The following UBE2QL1 variants were observed in gnomAD, a reference collection of about 807,000 sequenced individuals.
The protein encoded by UBE2QL1 is ubiquitin-conjugating enzyme E2Q-like protein 1.
UBE2QL1 carries 5 observed loss-of-function variants against 12.6 expected under a neutral mutation model. The ratio of observed to expected loss-of-function variants is 0.40; its 90% CI spans 0.21 to 0.83. UBE2QL1 has a LOEUF of 0.83. Ranked by LOEUF, UBE2QL1 falls within the 40% of genes least tolerant of loss-of-function variation. The pLI is 0.37. For missense variants in UBE2QL1, 99 were observed against 222.6 expected (o/e 0.44, Z 3.53); for synonymous variants, 96 against 94.5 (o/e 1.02, Z -0.10).
chr5:6,484,432 G>A (rs272452), intron 1 of UBE2QL1, among the ~76,000 whole-genome samples: 50,106 of 152,026 alleles, frequency 0.33, 8,209 homozygotes, highest in Admixed American at 0.37. Flanking sequence ...GCTCTTCTGC[G>A]GTGCCTCTGC....
chr5:6,488,011 A>C (rs979962184), intron 1 of UBE2QL1, among the ~76,000 whole-genome samples: 1 of 152,266 alleles, frequency 6.6e-6, no homozygotes, highest in Non-Finnish European at 1.5e-5. Flanking sequence ...GTCGTATTTA[A>C]ACAGCCAGTC....
chr5:6,486,351 C>T (rs1311021405), intron 1 of UBE2QL1, among the ~76,000 whole-genome samples: 1 of 151,920 alleles, frequency 6.6e-6, no homozygotes, highest in Non-Finnish European at 1.5e-5. Context: ...AACACACACA[C>T]ACACTTAAAT....
chr5:6,459,533 C>T (rs916896658), intron 1 of UBE2QL1, among the ~76,000 whole-genome samples: 4 of 152,166 alleles, frequency 2.6e-5, no homozygotes, highest in Non-Finnish European at 5.9e-5. Context: ...CACCTGCAGA[C>T]TCCTCCCCAG....
At chr5:6,454,981 C>A (rs952223595) in intron 1 of UBE2QL1, among the ~76,000 whole-genome samples, 1 of 152,148 alleles carries the variant, frequency 6.6e-6, no homozygotes, top group African/African-American at 2.4e-5. Context: ...AAAAATAGCC[C>A]CACACCCGCT....
rs959899680 is a variant in UBE2QL1 at position 6,496,139 on chromosome 5, G to A, written c.*4790G>A. Reference sequence around the variant, plus strand: ...GCCGTCCTCCCAGGTCAGTAAGGCCGCATGGAGGGATAAAGAGATCCCTGC... The same window carrying A: ...GCCGTCCTCCCAGGTCAGTAAGGCCACATGGAGGGATAAAGAGATCCCTGC... On this transcript the variant is annotated 3_prime_UTR_variant, in exon 2 of 2. Transcript: ENST00000399816. Among the ~76,000 whole-genome samples the A allele has an allele frequency of 4.6e-5, 7 of 152,170 alleles. No individual in the cohort carries two copies. The highest frequency in any genetic ancestry group is 1.3e-4 in the Admixed American group (2 of 15,272).
chr5:6,459,133 C>T (rs991232139), intron 1 of UBE2QL1, among the ~76,000 whole-genome samples: 1 of 152,092 alleles, frequency 6.6e-6, no homozygotes, highest in Non-Finnish European at 1.5e-5. Context: ...GTGACCCCAC[C>T]CCTCCAGAGC....
At position 6,491,554 on chromosome 5, in the gene UBE2QL1, T is replaced by C. The variant is rs1250548418; in HGVS notation, c.*205T>C. On this transcript the variant is annotated 3_prime_UTR_variant, in exon 2 of 2. Coordinates refer to ENST00000399816, the MANE Select transcript of UBE2QL1 (RefSeq NM_001145161.3). ...AAATGCCGTTCGGATTATGTTTCGA[T>C]TATAAATGAATGATCACCTCGAAGT... 1 of 559,870 alleles carries C rather than the reference T, an allele frequency of 1.8e-6. No homozygotes were observed. Among genetic ancestry groups the C allele is most frequent in the Non-Finnish European group, 2.8e-6 (1 of 361,214 alleles). The allele number at this position is 559,870 out of a possible 1,614,324, so 34.7% of individuals were successfully genotyped here.
At position 6,479,962 on chromosome 5, in the gene UBE2QL1, C is replaced by CA. The variant is rs1398596120; in HGVS notation, c.355-11255dup. On this transcript the variant is annotated intron_variant, in intron 1 of 1. Coordinates refer to ENST00000399816, the MANE Select transcript of UBE2QL1 (RefSeq NM_001145161.3). This position sits in a 1 kb window ranked among gnomAD's most constrained non-coding sequence, Gnocchi z 4.2. ...CTTACATAAACCATGTGGCAAATGA[C>CA]AGGATGGCTGGCCAGGAGCTCCCTG... is the stretch of plus-strand genomic sequence containing the variant. 8.5e-5 allele frequency among the ~76,000 whole-genome samples: 13 copies of CA among 152,198 alleles called. No individual in the cohort carries two copies. Among genetic ancestry groups the CA allele is most frequent in the Non-Finnish European group, 1.3e-4 (9 of 68,038 alleles).
At position 6,493,775 on chromosome 5, in the gene UBE2QL1, A is replaced by G. The variant is rs11134161; in HGVS notation, c.*2426A>G. On this transcript the variant is annotated 3_prime_UTR_variant, in exon 2 of 2. Transcript: ENST00000399816. ...TAGGAGTGCGGACTCCCTTTCTGGT[A>G]GACTCCCTTCGTAGGCAAGCACGGT... is the stretch of plus-strand genomic sequence containing the variant. 0.25 allele frequency: 38,650 copies of G among 152,184 alleles called. 10,043 individuals carry two copies. The highest frequency in any genetic ancestry group is 0.67 in the African/African-American group (27,835 of 41,470). The allele number at this position is 152,184 out of a possible 1,614,324, so 9.4% of individuals were successfully genotyped here.
intron 1 of UBE2QL1, among the ~76,000 whole-genome samples, chr5:6,458,125 A>C (rs1178043292): frequency 6.6e-6 from 1 of 152,260 alleles, no homozygotes; most frequent in African/African-American, 2.4e-5. Context: ...TCAAGAAAGA[A>C]GTGCTTTTTG....
chr5:6,470,221 T>A (rs553305096), intron 1 of UBE2QL1, among the ~76,000 whole-genome samples: 38 of 152,324 alleles, frequency 2.5e-4, no homozygotes, highest in Non-Finnish European at 4.3e-4. Flanking sequence ...AGGTGATCCA[T>A]GTGTGTCCAG....
chr5:6,453,556 A>G (rs1306512022), intron 1 of UBE2QL1, among the ~76,000 whole-genome samples: 1 of 152,214 alleles, frequency 6.6e-6, no homozygotes, highest in East Asian at 1.9e-4. Context: ...ATGTTTTTTA[A>G]TAAAGGAAAC....
intron 1 of UBE2QL1, among the ~76,000 whole-genome samples, chr5:6,474,230 A>G (rs964148349): frequency 3.3e-5 from 5 of 152,252 alleles, no homozygotes; most frequent in Non-Finnish European, 2.9e-5. Context: ...ACCACGGTCT[A>G]TGCCTGCATG....
intron 1 of UBE2QL1, among the ~76,000 whole-genome samples, chr5:6,465,574 G>A (rs1739767918): frequency 6.6e-6 from 1 of 152,208 alleles, no homozygotes; most frequent in Non-Finnish European, 1.5e-5. Flanking sequence ...CCCAGTGCCT[G>A]GGGGTGGAGG....
rs1212212956 is a variant in UBE2QL1, at chr5:6,492,276, G to A, written c.*927G>A. The A allele has an allele frequency of 6.6e-6, 1 of 152,208 alleles. No individual in the cohort carries two copies. The highest frequency in any genetic ancestry group is 2.4e-5 in the African/African-American group (1 of 41,446). 9.4% of individuals were successfully genotyped at this position (152,208 alleles called of 1,614,324 possible). On this transcript the variant is annotated 3_prime_UTR_variant, in exon 2 of 2. Coordinates refer to ENST00000399816, the MANE Select transcript of UBE2QL1 (RefSeq NM_001145161.3). The stretch of plus-strand genomic sequence containing the variant: ...GACTCATTTTAATATCTGTGCTAGT[G>A]ACAATGAATGTCAGAACTGCCAAAG...
At position 6,494,919 on chromosome 5, in the gene UBE2QL1, G is replaced by C. The variant is rs1734640668; in HGVS notation, c.*3570G>C. On this transcript the variant is annotated 3_prime_UTR_variant, in exon 2 of 2. Coordinates refer to ENST00000399816, the MANE Select transcript of UBE2QL1 (RefSeq NM_001145161.3). Reference sequence around the variant, plus strand: ...CCCTGGATAGGAACTCAAAAGATAGGAATAGCGCACAGGCACCAGCACCAA... The same window carrying C: ...CCCTGGATAGGAACTCAAAAGATAGCAATAGCGCACAGGCACCAGCACCAA... 1.3e-5 allele frequency: 2 copies of C among 152,194 alleles called. No homozygotes were observed. The highest frequency in any genetic ancestry group is 2.9e-5 in the Non-Finnish European group (2 of 68,036). 9.4% of individuals were successfully genotyped at this position (152,194 alleles called of 1,614,324 possible). A position where few individuals can be genotyped will look rare whatever the true frequency, so the allele number is the denominator to read the frequency against.
At chr5:6,449,301 G>A (rs1000205713) in intron 1 of UBE2QL1, 54 bp downstream of exon 1, 40 of 1,300,554 alleles carry the variant, frequency 3.1e-5, no homozygotes, top group African/African-American at 6.2e-5. Flanking sequence ...GGTCTGCAGC[G>A]CCGCCGGGCG....
intron 1 of UBE2QL1, among the ~76,000 whole-genome samples, chr5:6,452,493 T>G (rs977093220): frequency 6.6e-6 from 1 of 152,214 alleles, no homozygotes; most frequent in Non-Finnish European, 1.5e-5. Context: ...AACTCTGTAC[T>G]TTTAGAATGA....
At position 6,474,010 on chromosome 5, in the gene UBE2QL1, G is replaced by A. The variant is rs374101798; in HGVS notation, c.355-17208G>A. Among the ~76,000 whole-genome samples, 15 of 152,324 alleles carry A rather than the reference G, an allele frequency of 9.8e-5. No individual in the cohort carries two copies. The South Asian group carries it at 1.5e-3, about 15-fold the overall frequency. On this transcript the variant is annotated intron_variant, in intron 1 of 1. Transcript: ENST00000399816. ...GTAGGCCCTCAAAAAATTATTGGCT[G>A]CAAACATAACATATTGCATACGGTC...
Sources: gnomAD v4.1 joint callset for allele counts (sites outside exome capture counted in the v4.1 genomes callset) on GRCh38, gnomAD v4.1.1 for gene constraint, Gnocchi (gnomAD v3.1) non-coding constraint, MANE v1.5 for transcripts, NCBI Gene and HGNC (gene_info 2026-07-23, HGNC 2026-07-21) for gene names.